Variants in OXSR1 observed in about 807,000 individuals in gnomAD.
OXSR1 encodes serine/threonine-protein kinase OSR1.
Under a neutral mutation model 79.8 loss-of-function variants are expected in OXSR1, and 24 were observed. The observed-to-expected ratio is 0.30, with a 90% CI of 0.22 to 0.42. The LOEUF (loss-of-function observed/expected upper bound fraction) is 0.42, where lower values mean the gene tolerates loss of function less well. Ranked by LOEUF, OXSR1 falls within the 10% of genes least tolerant of loss-of-function variation. OXSR1 has a pLI of 1.00. For synonymous variants in OXSR1, 226 were observed against 209.2 expected (o/e 1.08, Z -0.69); for missense variants, 430 against 618.4 (o/e 0.70, Z 3.23).
At chr3:38,212,863 T>C (rs1352545035) in intron 4 of OXSR1, among the ~76,000 whole-genome samples, 1 of 151,944 alleles carries the variant, frequency 6.6e-6, no homozygotes, top group Non-Finnish European at 1.5e-5. Context: ...CTATATTGAT[T>C]TCCAGATATT....
intron 16 of OXSR1, 60 bp downstream of exon 16, chr3:38,251,531 A>T (rs904837342): frequency 7.3e-6 from 10 of 1,361,440 alleles, no homozygotes; most frequent in Middle Eastern, 1.8e-4. Flanking sequence ...CTTAGTACAT[A>T]GAAAAGCAGG....
intron 5 of OXSR1, among the ~76,000 whole-genome samples, chr3:38,217,528 T>A (rs866891339): frequency 6.6e-6 from 1 of 152,084 alleles, no homozygotes; most frequent in Non-Finnish European, 1.5e-5. Flanking sequence ...TGTTTGTTTG[T>A]TTGTTTGTTT....
chr3:38,228,875 A>G (rs924319664), intron 8 of OXSR1, among the ~76,000 whole-genome samples: 4 of 152,112 alleles, frequency 2.6e-5, no homozygotes, highest in Non-Finnish European at 5.9e-5. Context: ...CCCTCTGGTC[A>G]TTGGGATTTT....
At position 38,236,969 on chromosome 3, in the gene OXSR1, T is replaced by G. The variant is rs766288368; in HGVS notation, c.1074+8T>G. On this transcript the variant is annotated splice_region_variant and intron_variant, in intron 11 of 17. Transcript: ENST00000311806. ...GCAATTTCACAACTCAGGGTAAATTTTATTAAACTGTGTACTTTAGCTAGA... is the reference window on the plus strand; with the variant it reads ...GCAATTTCACAACTCAGGGTAAATTGTATTAAACTGTGTACTTTAGCTAGA... 6.2e-7 allele frequency: 1 copy of G among 1,609,148 alleles called. No individual in the cohort carries two copies.
chr3:38,229,726 G>C lies in OXSR1; in HGVS notation c.876G>C (p.Gln292His). ...AAELLRHKFFQKAKNKEFLQE... is the reference protein window; with the variant it reads ...AAELLRHKFFHKAKNKEFLQE... ...AACTATTAAGGCACAAATTTTTCCA[G>C]AAAGCAAAGGTAGGAAATTCCAGCT... Residue 292 changes from glutamine (Q) to histidine (H), a missense_variant, in exon 9 of 18, where the codon CAG (glutamine) becomes CAC (histidine). This residue lies in a region of OXSR1 where 276 missense variants were observed against 354.2 expected (regional missense o/e 0.78). Transcript: ENST00000311806. The C allele has an allele frequency of 6.2e-7, 1 of 1,610,780 alleles. No homozygotes were observed. Among genetic ancestry groups the C allele is most frequent in the Non-Finnish European group, 8.5e-7 (1 of 1,178,102 alleles).
intron 11 of OXSR1, 106 bp downstream of exon 11, chr3:38,237,067 C>T: frequency 9.7e-7 from 1 of 1,026,046 alleles, no homozygotes; most frequent in Non-Finnish European, 1.4e-6. Flanking sequence ...TTTTCTTGAA[C>T]AGCTTATTAA....
intron 5 of OXSR1, among the ~76,000 whole-genome samples, chr3:38,217,844 T>G (rs1702513694): frequency 6.6e-6 from 1 of 152,234 alleles, no homozygotes; most frequent in Non-Finnish European, 1.5e-5. Flanking sequence ...TTGACTACTT[T>G]AAGTACCTAA....
chr3:38,194,280 T>C (rs1470286394), intron 3 of OXSR1, among the ~76,000 whole-genome samples: 1 of 152,160 alleles, frequency 6.6e-6, no homozygotes, highest in Non-Finnish European at 1.5e-5. Flanking sequence ...CTGGGTGAGG[T>C]GGCTCATGCC....
chr3:38,228,076 C>G (rs1702728341), intron 8 of OXSR1, among the ~76,000 whole-genome samples: 1 of 152,184 alleles, frequency 6.6e-6, no homozygotes. Context: ...GCCTGTTGCT[C>G]TGACTACTGT....
chr3:38,172,534 A>T (rs1323767788), intron 1 of OXSR1, among the ~76,000 whole-genome samples: 1 of 152,190 alleles, frequency 6.6e-6, no homozygotes, highest in Non-Finnish European at 1.5e-5. Flanking sequence ...ATATATTTCT[A>T]TTCTTGACTT....
chr3:38,179,834 A>C (rs1174233721), intron 1 of OXSR1, among the ~76,000 whole-genome samples: 1 of 151,560 alleles, frequency 6.6e-6, no homozygotes, highest in East Asian at 1.9e-4. Context: ...CCCAAAATAG[A>C]ATCTTGCTCT....
chr3:38,204,075 C>A (rs535169353), intron 4 of OXSR1, among the ~76,000 whole-genome samples: 4 of 152,184 alleles, frequency 2.6e-5, no homozygotes, highest in South Asian at 2.1e-4. Context: ...ACTCTTCCCC[C>A]CCCTTTCCAC....
At chr3:38,211,125 C>T (rs1282804659) in intron 4 of OXSR1, among the ~76,000 whole-genome samples, 1 of 152,156 alleles carries the variant, frequency 6.6e-6, no homozygotes. Flanking sequence ...CCTCTGCTAC[C>T]CTCACCACAC....
At chr3:38,223,763 A>T (rs1194353945) in intron 6 of OXSR1, 49 bp from the exon 7 acceptor site, 3 of 1,397,176 alleles carry the variant, frequency 2.1e-6, no homozygotes, top group Non-Finnish European at 3.0e-6. Context: ...GCTAACTTTT[A>T]AAAGTCCTTT....
chr3:38,178,731 ACCT>A (rs1327731678), intron 1 of OXSR1, among the ~76,000 whole-genome samples: 1 of 148,580 alleles, frequency 6.7e-6, no homozygotes. Context: ...GCCTGCCATG[ACCT>A]CCTGAAGTGC....
intron 8 of OXSR1, among the ~76,000 whole-genome samples, chr3:38,228,519 T>C (rs1702737479): frequency 6.6e-6 from 1 of 152,236 alleles, no homozygotes; most frequent in Non-Finnish European, 1.5e-5. Flanking sequence ...CTAAAGCCAA[T>C]TAAAGATTCT....
intron 10 of OXSR1, among the ~76,000 whole-genome samples, chr3:38,234,068 G>A (rs1487549504): frequency 6.6e-6 from 1 of 152,158 alleles, no homozygotes; most frequent in Non-Finnish European, 1.5e-5. Context: ...ATGAAGTTGG[G>A]TCTTTTACTC....
intron 12 of OXSR1, 28 bp from the exon 13 acceptor site, chr3:38,246,047 A>G (rs1226413793): frequency 6.2e-7 from 1 of 1,611,276 alleles, no homozygotes; most frequent in East Asian, 2.2e-5. Flanking sequence ...ACACAACTTA[A>G]GCAACACTGT....
At chr3:38,178,620 A>ATATTT (rs1265646743) in intron 1 of OXSR1, among the ~76,000 whole-genome samples, 3 of 95,124 alleles carry the variant, frequency 3.2e-5, no homozygotes, top group Admixed American at 1.2e-4. Flanking sequence ...ATATATATAT[A>ATATTT]TTTTTTTTTT....
Sources: allele counts gnomAD v4.1 joint callset (sites outside exome capture counted in the v4.1 genomes callset), GRCh38; gene constraint gnomAD v4.1.1; regional missense constraint gnomAD v4.1.1; transcripts MANE v1.5; gene names NCBI Gene and HGNC (gene_info 2026-07-23, HGNC 2026-07-21).